The following MTHFD2 variants were observed in gnomAD, a reference collection of about 807,000 sequenced individuals.
The protein encoded by MTHFD2 is bifunctional methylenetetrahydrofolate dehydrogenase/cyclohydrolase, mitochondrial.
Under a neutral mutation model 36.8 loss-of-function variants are expected in MTHFD2, and 26 were observed. The observed-to-expected ratio is 0.71, with a 90% CI of 0.52 to 0.98. The LOEUF is 0.98. MTHFD2 is among the 50% of genes least tolerant of loss of function. MTHFD2 has a pLI of 0.00. For synonymous variants in MTHFD2, 164 were observed against 155.2 expected, an observed-to-expected ratio of 1.06 and a Z score of -0.42; for missense variants, 373 against 434.0, an observed-to-expected ratio of 0.86 and a Z score of 1.25.
intron 1 of MTHFD2, among the ~76,000 whole-genome samples, chr2:74,202,178 A>G (rs1025514818): frequency 2.6e-5 from 4 of 152,080 alleles, no homozygotes; most frequent in African/African-American, 9.7e-5. Flanking sequence ...AGATATACAT[A>G]TAGTGTATAT....
In MTHFD2 at chr2:74,211,779, G is replaced by A. The variant is rs781431317; in HGVS notation, c.802G>A (p.Gly268Arg). ...NLITADMIKE[G>R]AAVIDVGINR... is the part of the protein sequence containing the mutation. ...GATCACAGCAGATATGATCAAGGAA[G>A]GAGCAGCAGTCATTGATGTGGGAAT... The change falls in exon 7 of 8, where the codon GGA (glycine) becomes AGA (arginine). Residue 268 changes from glycine (G) to arginine (R), a missense_variant. By Grantham distance (125) the Gly-to-Arg change is moderately radical. Transcript: ENST00000394053. 3.7e-6 allele frequency: 6 copies of A among 1,611,596 alleles called. No homozygotes were observed. Among genetic ancestry groups the A allele is most frequent in the Non-Finnish European group, 8.5e-7 (1 of 1,179,410 alleles).
intron 2 of MTHFD2, chr2:74,206,561 G>A (rs556731673): frequency 2.6e-5 from 4 of 152,222 alleles, no homozygotes; most frequent in Non-Finnish European, 4.4e-5. Context: ...CCTTTCCTTC[G>A]AAGGGCTGTG....
Position 74,198,825 on chromosome 2 carries a change from C to T in MTHFD2, c.101+83C>T, listed in dbSNP as rs906127180. 93 of 1,265,706 alleles carry T rather than the reference C, an allele frequency of 7.3e-5. No individual in the cohort carries two copies. In the Admixed American group the frequency reaches 2.1e-3, roughly 28 times the overall value. The allele number at this position is 1,265,706 out of a possible 1,614,324, so 78.4% of individuals were successfully genotyped here. ...GGCACGCCGGGCCCCCGAGGGACACCGAGGGAAGTCCTTCCCGAACATCTC... is the reference window on the plus strand; with the variant it reads ...GGCACGCCGGGCCCCCGAGGGACACTGAGGGAAGTCCTTCCCGAACATCTC... On this transcript the variant is annotated intron_variant, in intron 1 of 7. Transcript: ENST00000394053.
At chr2:74,208,433 C>A in intron 3 of MTHFD2, 136 bp from the exon 4 acceptor site, 1 of 986,212 alleles carries the variant, frequency 1.0e-6, no homozygotes, top group Non-Finnish European at 1.5e-6. Context: ...TATGCGAGTT[C>A]CTTCCATGCA....
chr2:74,205,495 G>C (rs556083925), intron 1 of MTHFD2, among the ~76,000 whole-genome samples: 1 of 151,924 alleles, frequency 6.6e-6, no homozygotes, highest in East Asian at 2.0e-4. Flanking sequence ...TATGTAGCTG[G>C]ATATATTCAT....
Position 74,214,348 on chromosome 2 carries a change from A to AATG in MTHFD2, c.*110_*112dup. On this transcript the variant is annotated 3_prime_UTR_variant, in exon 8 of 8. Transcript: ENST00000394053. ...AATTTATTCTACTGAAATGGTTTAA[A>AATG]ATGATGCCTTGTATTTATTGAAAGC... The AATG allele has an allele frequency of 7.6e-7, 1 of 1,312,042 alleles. No homozygotes were observed. The highest frequency in any genetic ancestry group is 1.0e-6 in the Non-Finnish European group (1 of 954,458). 81.3% of individuals were successfully genotyped at this position (1,312,042 alleles called of 1,614,324 possible). A position where few individuals can be genotyped will look rare whatever the true frequency, so the allele number is the denominator to read the frequency against.
At chr2:74,200,667 T>C (rs1205488691) in intron 1 of MTHFD2, among the ~76,000 whole-genome samples, 1 of 152,148 alleles carries the variant, frequency 6.6e-6, no homozygotes, top group African/African-American at 2.4e-5. Context: ...GGCAGAAGTT[T>C]GCCTTTGAAT....
intron 1 of MTHFD2, among the ~76,000 whole-genome samples, chr2:74,204,599 C>T (rs1006142509): frequency 1.3e-5 from 2 of 152,214 alleles, no homozygotes; most frequent in African/African-American, 2.4e-5. Context: ...GCCAACTGGA[C>T]CACTGGCCAG....
At chr2:74,212,182 T>C (rs867767433) in intron 7 of MTHFD2, among the ~76,000 whole-genome samples, 26 of 128,138 alleles carry the variant, frequency 2.0e-4, no homozygotes, top group Admixed American at 1.0e-3. Flanking sequence ...CTTTCCTTCC[T>C]TCCCTCCATC....
At position 74,215,994 on chromosome 2, in the gene MTHFD2, T is replaced by C. The variant is rs1397571797; in HGVS notation, c.*1752T>C. 1 of 152,230 alleles carries C rather than the reference T, an allele frequency of 6.6e-6. No individual in the cohort carries two copies. Among genetic ancestry groups the C allele is most frequent in the African/African-American group, 2.4e-5 (1 of 41,426 alleles). 9.4% of individuals were successfully genotyped at this position (152,230 alleles called of 1,614,324 possible). On this transcript the variant is annotated 3_prime_UTR_variant, in exon 8 of 8. Coordinates refer to ENST00000394053, the MANE Select transcript of MTHFD2 (RefSeq NM_006636.4). ...CTTGAGGCAGGGATAGGTTTGTCTG[T>C]TTTGGCTTTTGGCTTTCATGCGAGC...
chr2:74,202,197 A>G (rs576284434), intron 1 of MTHFD2, among the ~76,000 whole-genome samples: 30 of 152,144 alleles, frequency 2.0e-4, no homozygotes, highest in African/African-American at 7.0e-4. Flanking sequence ...ATACTTATAT[A>G]TATCTCCTTA....
At position 74,198,621 on chromosome 2, in the gene MTHFD2, G is replaced by A. The variant is rs1465327914; in HGVS notation, c.-21G>A. The A allele has an allele frequency of 6.3e-7, 1 of 1,586,430 alleles. No individual in the cohort carries two copies. Among genetic ancestry groups the A allele is most frequent in the South Asian group, 1.1e-5 (1 of 88,178 alleles). On this transcript the variant is annotated 5_prime_UTR_variant, in exon 1 of 8. Transcript: ENST00000394053. ...GGCCCGCGCGCGCGCTTCCCTCCCGGCGCAGTCACCGGCGCGGTCTATGGC... is the reference window on the plus strand; with the variant it reads ...GGCCCGCGCGCGCGCTTCCCTCCCGACGCAGTCACCGGCGCGGTCTATGGC...
At chr2:74,205,469 A>G (rs1221986272) in intron 1 of MTHFD2, among the ~76,000 whole-genome samples, 3 of 152,084 alleles carry the variant, frequency 2.0e-5, no homozygotes, top group African/African-American at 7.2e-5. Context: ...ATTTCTATCA[A>G]CTTTATCCCC....
intron 4 of MTHFD2, among the ~76,000 whole-genome samples, chr2:74,209,279 G>C (rs1172460884): frequency 6.6e-6 from 1 of 151,254 alleles, no homozygotes; most frequent in East Asian, 1.9e-4. Flanking sequence ...GTCTTGCTCT[G>C]TTGCCCAGGC....
At chr2:74,211,950 T>C in intron 7 of MTHFD2, 84 bp downstream of exon 7, 8 of 1,098,744 alleles carry the variant, frequency 7.3e-6, no homozygotes, top group South Asian at 5.6e-5. Flanking sequence ...TTTACTTTTT[T>C]TTTTTTTTTT....
intron 1 of MTHFD2, among the ~76,000 whole-genome samples, chr2:74,203,869 T>G (rs1229539579): frequency 1.7e-5 from 1 of 60,218 alleles, no homozygotes; most frequent in South Asian, 4.2e-4. Context: ...TAGTTTAGTT[T>G]AGTTTAGTTT....
rs560322746 is a variant in MTHFD2, at chr2:74,200,589, C to T, written c.101+1847C>T. 1.9e-3 allele frequency among the ~76,000 whole-genome samples: 288 copies of T among 148,784 alleles called. 1 individual carries two copies. The highest frequency in any genetic ancestry group is 6.7e-3 in the African/African-American group (271 of 40,330). Reference sequence around the variant, plus strand: ...TTGGATGGTATGAGAGTTTCAGGAACATAAACCTATGGTTGGAGAAATAGT... The same window carrying T: ...TTGGATGGTATGAGAGTTTCAGGAATATAAACCTATGGTTGGAGAAATAGT... On this transcript the variant is annotated intron_variant, in intron 1 of 7. Coordinates refer to ENST00000394053, the MANE Select transcript of MTHFD2 (RefSeq NM_006636.4).
rs1694232370 is a variant in MTHFD2 at position 74,208,479 on chromosome 2, T to G, written c.410-90T>G. ...ATCTCAGAGGCAAGCTGTAGAAGAA[T>G]AGATTTCCTTGCGAAGCAGATAAGC... On this transcript the variant is annotated intron_variant, in intron 3 of 7. Transcript: ENST00000394053. 1.3e-5 allele frequency: 18 copies of G among 1,433,504 alleles called. 1 individual carries two copies. The Middle Eastern group carries it at 1.2e-3, about 94-fold the overall frequency. 88.8% of individuals were successfully genotyped at this position (1,433,504 alleles called of 1,614,324 possible).
chr2:74,207,818 C>T lies in MTHFD2; in HGVS notation c.401C>T (p.Pro134Leu), dbSNP rs919704583. 3.2e-6 allele frequency: 5 copies of T among 1,580,634 alleles called. No homozygotes were observed. The highest frequency in any genetic ancestry group is 4.3e-6 in the Non-Finnish European group (5 of 1,154,404). Reference sequence around the variant, plus strand: ...GTAGATGGCCTCCTTGTTCAGTTGCCTCTTCCAGGTGAGTTTTGGACTCCA... The same window carrying T: ...GTAGATGGCCTCCTTGTTCAGTTGCTTCTTCCAGGTGAGTTTTGGACTCCA... ...DNVDGLLVQL[P>L]LPEHIDERRI... Residue 134 changes from proline to leucine, a missense_variant, in exon 3 of 8, where the codon CCT becomes CTT. Pro to Leu is a moderately conservative substitution (Grantham distance 98, BLOSUM62 -3). Coordinates refer to ENST00000394053, the MANE Select transcript of MTHFD2 (RefSeq NM_006636.4).
Sources: gnomAD v4.1 joint callset for allele counts (sites outside exome capture counted in the v4.1 genomes callset) on GRCh38, gnomAD v4.1.1 for gene constraint, MANE v1.5 for transcripts, NCBI Gene and HGNC (gene_info 2026-07-23, HGNC 2026-07-21) for gene names.